ZNF618: variants seen among roughly 807,000 people sequenced by gnomAD.
The protein encoded by ZNF618 is neural precursor cell expressed, developmentally down-regulated 10.
In ZNF618, 34 loss-of-function variants were observed where a neutral mutation model predicts 103.0. The ratio of observed to expected loss-of-function variants is 0.33; its 90% confidence interval spans 0.25 to 0.44. ZNF618 has a LOEUF of 0.44. Among genes scored for constraint, ZNF618 ranks in the 20% least tolerant of loss-of-function variants. ZNF618 has a pLI of 1.00. For synonymous variants in ZNF618, 551 were observed against 542.2 expected (o/e 1.02, Z -0.23); for missense variants, 1,059 against 1,295.4 (o/e 0.82, Z 2.80).
chr9:114,048,536 A>T, intron 14 of ZNF618, 115 bp from the exon 15 acceptor site: 1 of 1,130,506 alleles, frequency 8.8e-7, no homozygotes, highest in South Asian at 1.6e-5. Context: ...TGTGTGTGCA[A>T]GAGGAAATAT....
intron 1 of ZNF618, among the ~76,000 whole-genome samples, chr9:113,906,610 A>G (rs774126883): frequency 3.3e-5 from 5 of 152,192 alleles, no homozygotes; most frequent in Non-Finnish European, 5.9e-5. Context: ...CTGCACCACA[A>G]GCTAGAGAGT....
chr9:114,028,582 C>CT (rs1178942007), intron 10 of ZNF618, 151 bp from the exon 11 acceptor site: 5 of 1,201,214 alleles, frequency 4.2e-6, no homozygotes, highest in East Asian at 2.6e-5. Flanking sequence ...TTCTCTGGCT[C>CT]TGAGTTAAGT....
chr9:113,989,225 G>T (rs1030841249), intron 3 of ZNF618, among the ~76,000 whole-genome samples: 13 of 152,348 alleles, frequency 8.5e-5, no homozygotes, highest in Non-Finnish European at 1.6e-4. Context: ...AACAGGACAG[G>T]TGGTGGGGAC....
intron 1 of ZNF618, among the ~76,000 whole-genome samples, chr9:113,883,567 T>A (rs1438908430): frequency 1.3e-5 from 2 of 152,204 alleles, no homozygotes; most frequent in African/African-American, 4.8e-5. Context: ...CATTTTTGGT[T>A]GAATTTTGGT....
At chr9:113,966,283 G>A (rs980391751) in intron 1 of ZNF618, among the ~76,000 whole-genome samples, 24 of 152,296 alleles carry the variant, frequency 1.6e-4, no homozygotes, top group South Asian at 8.3e-4. Context: ...TTGGAAATAC[G>A]TGTGACTTGC....
chr9:113,973,329 C>T (rs1838175980), intron 2 of ZNF618, among the ~76,000 whole-genome samples: 2 of 152,184 alleles, frequency 1.3e-5, no homozygotes, highest in African/African-American at 4.8e-5. Flanking sequence ...TATGCTATGG[C>T]ACACTCTGCT....
intron 6 of ZNF618, 25 bp downstream of exon 6, chr9:114,002,687 G>T (rs1288319132): frequency 6.2e-7 from 1 of 1,609,830 alleles, no homozygotes; most frequent in South Asian, 1.1e-5. Context: ...CTCCTCGTGG[G>T]CTGCTGAGGG....
chr9:113,986,563 C>A (rs755717561), intron 2 of ZNF618, among the ~76,000 whole-genome samples: 1 of 152,166 alleles, frequency 6.6e-6, no homozygotes, highest in South Asian at 2.1e-4. Flanking sequence ...TGTGTCCTCA[C>A]GTGGGGGAGA....
At chr9:113,927,478 C>T (rs2900568) in intron 1 of ZNF618, among the ~76,000 whole-genome samples, 65,669 of 152,024 alleles carry the variant, frequency 0.43, 15,049 homozygotes, top group Non-Finnish European at 0.52. Flanking sequence ...AAGGACTGGG[C>T]GAGGGGTAGT....
chr9:113,989,794 A>G (rs1034758915), intron 3 of ZNF618, among the ~76,000 whole-genome samples: 1 of 152,212 alleles, frequency 6.6e-6, no homozygotes, highest in Admixed American at 6.5e-5. Context: ...TCCCTTTGCC[A>G]GCTGTTCCCT....
intron 1 of ZNF618, among the ~76,000 whole-genome samples, chr9:113,880,669 CTAGAA>C (rs200899892): frequency 0.016 from 2,429 of 151,982 alleles, 75 homozygotes; most frequent in African/African-American, 0.056. Flanking sequence ...CAAGAATAGA[CTAGAA>C]TATAGGGGAA....
intron 6 of ZNF618, among the ~76,000 whole-genome samples, chr9:114,003,950 C>T (rs974924757): frequency 1.6e-4 from 24 of 152,172 alleles, no homozygotes; most frequent in African/African-American, 5.8e-4. Flanking sequence ...TAAATGAATT[C>T]CTTACCAAAA....
At chr9:114,000,814 C>T (rs976663786) in intron 4 of ZNF618, among the ~76,000 whole-genome samples, 3 of 152,196 alleles carry the variant, frequency 2.0e-5, no homozygotes, top group South Asian at 2.1e-4. Flanking sequence ...TTGAGTCATC[C>T]GCATTTTTCC....
At chr9:114,001,974 C>T in intron 4 of ZNF618, 22 bp from the exon 5 acceptor site, 1 of 1,610,462 alleles carries the variant, frequency 6.2e-7, no homozygotes, top group Non-Finnish European at 8.5e-7. Context: ...GGTGACCAGT[C>T]CTTTCCTCTT....
intron 10 of ZNF618, among the ~76,000 whole-genome samples, chr9:114,023,788 G>A (rs1843266006): frequency 6.6e-6 from 1 of 151,744 alleles, no homozygotes; most frequent in South Asian, 2.1e-4. Context: ...TTGTCTTCTG[G>A]CTTAAGTTGT....
intron 10 of ZNF618, among the ~76,000 whole-genome samples, chr9:114,019,032 T>G (rs1292756127): frequency 1.3e-5 from 2 of 152,136 alleles, no homozygotes; most frequent in South Asian, 4.2e-4. Flanking sequence ...AGACTCTGGG[T>G]CTGGTGAGTG....
chr9:114,026,284 G>C (rs1374206643), intron 10 of ZNF618, among the ~76,000 whole-genome samples: 3 of 152,212 alleles, frequency 2.0e-5, no homozygotes, highest in African/African-American at 7.2e-5. Flanking sequence ...AGCTGGAGAG[G>C]GGAGCGGTCC....
intron 12 of ZNF618, among the ~76,000 whole-genome samples, chr9:114,033,489 C>T (rs934391909): frequency 3.3e-5 from 5 of 152,102 alleles, no homozygotes; most frequent in African/African-American, 1.2e-4. Flanking sequence ...CGAAGATTCC[C>T]TTCCAGCCCC....
chr9:113,905,679 C>T (rs957847672), intron 1 of ZNF618, among the ~76,000 whole-genome samples: 2 of 152,222 alleles, frequency 1.3e-5, no homozygotes, highest in Non-Finnish European at 2.9e-5. Flanking sequence ...GTTCTTTCTC[C>T]AGCCTCAGGT....
Sources: allele counts gnomAD v4.1 joint callset (sites outside exome capture counted in the v4.1 genomes callset), GRCh38; gene constraint gnomAD v4.1.1; transcripts MANE v1.5; gene names NCBI Gene and HGNC (gene_info 2026-07-23, HGNC 2026-07-21).